Variants in PTPRN2 observed in about 807,000 individuals in gnomAD.
The protein encoded by PTPRN2 is receptor-type tyrosine-protein phosphatase N2.
In PTPRN2, 74 loss-of-function variants were observed where a neutral mutation model predicts 118.8. The observed-to-expected ratio is 0.62, with a 90% CI of 0.52 to 0.76. The LOEUF (loss-of-function observed/expected upper bound fraction) is 0.76. Ranked by LOEUF, PTPRN2 falls within the 30% of genes least tolerant of loss-of-function variation. The pLI is 0.00. For synonymous variants in PTPRN2, 641 were observed against 608.0 expected (o/e 1.05, Z -0.80); for missense variants, 1,481 against 1,394.4 (o/e 1.06, Z -0.99).
intron 1 of PTPRN2, among the ~76,000 whole-genome samples, chr7:158,497,709 G>A (rs543585393): frequency 3.3e-5 from 5 of 152,326 alleles, no homozygotes; most frequent in East Asian, 1.9e-4. Flanking sequence ...TCTCTGCGCC[G>A]CTGCACACTC....
At chr7:158,380,700 G>C (rs1810904682) in intron 2 of PTPRN2, among the ~76,000 whole-genome samples, 2 of 152,264 alleles carry the variant, frequency 1.3e-5, no homozygotes, top group Non-Finnish European at 2.9e-5. Context: ...CAGTGCCCCA[G>C]TAGGGACTCT....
chr7:157,556,391 C>G (rs1798883179), intron 21 of PTPRN2, among the ~76,000 whole-genome samples: 1 of 150,996 alleles, frequency 6.6e-6, no homozygotes, highest in Non-Finnish European at 1.5e-5. Context: ...CCACACAACA[C>G]TCACCCACAC....
At chr7:158,094,079 G>A (rs1814426142) in intron 10 of PTPRN2, among the ~76,000 whole-genome samples, 2 of 152,200 alleles carry the variant, frequency 1.3e-5, no homozygotes, top group African/African-American at 4.8e-5. Flanking sequence ...GTATTTGGAA[G>A]AAAACAGATT....
intron 12 of PTPRN2, among the ~76,000 whole-genome samples, chr7:157,738,416 G>A (rs1800428604): frequency 6.6e-6 from 1 of 152,178 alleles, no homozygotes; most frequent in Non-Finnish European, 1.5e-5. Flanking sequence ...AGGGACTCAT[G>A]GAAGCATTTG....
In PTPRN2 at chr7:158,574,630, T is replaced by C. The variant is rs1828224338; in HGVS notation, c.112+12928A>G. On this transcript the variant is annotated intron_variant, in intron 1 of 22. Coordinates refer to ENST00000389418, the MANE Select transcript of PTPRN2 (RefSeq NM_002847.5). The surrounding 1 kb of genome is among the most constrained non-coding windows in gnomAD (Gnocchi z 4.6). ...AAGAGTGATAGGATCAGATTTTCAG[T>C]TGTGGCAGTTACTCTAGCCAGAACT... Among the ~76,000 whole-genome samples the C allele has an allele frequency of 1.3e-5, 2 of 152,226 alleles. No individual in the cohort carries two copies. Among genetic ancestry groups the C allele is most frequent in the Non-Finnish European group, 2.9e-5 (2 of 68,038 alleles).
chr7:157,813,981 TCC>T lies in PTPRN2; in HGVS notation c.1788+84690_1788+84691del, dbSNP rs1806223953. Among the ~76,000 whole-genome samples, 1 of 152,204 alleles carries T rather than the reference TCC, an allele frequency of 6.6e-6. No homozygotes were observed. The highest frequency in any genetic ancestry group is 6.5e-5 in the Admixed American group (1 of 15,288). On this transcript the variant is annotated intron_variant, in intron 12 of 22. Transcript: ENST00000389418. The surrounding 1 kb of genome is among the most constrained non-coding windows in gnomAD (Gnocchi z 4.7). ...TTTGTGGTGCTTTGGAGGAGTTTGC[TCC>T]TTAGAGTGAGGGGGATTGTTCTGCC... is the stretch of plus-strand genomic sequence containing the variant.
At chr7:158,085,331 C>T (rs1260977510) in intron 10 of PTPRN2, among the ~76,000 whole-genome samples, 2 of 122,506 alleles carry the variant, frequency 1.6e-5, no homozygotes, top group African/African-American at 3.5e-5. Flanking sequence ...TTCACACATG[C>T]CCATCCACAC....
At chr7:158,557,314 C>G (rs886377669) in intron 1 of PTPRN2, among the ~76,000 whole-genome samples, 1 of 146,094 alleles carries the variant, frequency 6.8e-6, no homozygotes, top group Non-Finnish European at 1.5e-5. Context: ...GCAGGTCGCT[C>G]CCGCGCAGGG....
chr7:158,180,137 C>T (rs1039004204), intron 5 of PTPRN2, among the ~76,000 whole-genome samples: 2 of 152,240 alleles, frequency 1.3e-5, no homozygotes, highest in African/African-American at 4.8e-5. Context: ...GGCTAAGCCC[C>T]ACTTTGGGGC....
At chr7:158,421,153 G>A (rs766983582) in intron 2 of PTPRN2, among the ~76,000 whole-genome samples, 10 of 152,112 alleles carry the variant, frequency 6.6e-5, no homozygotes, top group South Asian at 2.1e-4. Context: ...AGGGCCAGCC[G>A]CACCCCTTGT....
chr7:157,653,455 T>C (rs1805813072), intron 14 of PTPRN2, among the ~76,000 whole-genome samples: 1 of 152,110 alleles, frequency 6.6e-6, no homozygotes, highest in Non-Finnish European at 1.5e-5. Context: ...CTCTGATGCG[T>C]TCCTGCGGCA....
chr7:157,651,169 T>C (rs1805631458), intron 14 of PTPRN2, among the ~76,000 whole-genome samples: 2 of 152,258 alleles, frequency 1.3e-5, no homozygotes, highest in Non-Finnish European at 2.9e-5. Flanking sequence ...GCAAAATTCA[T>C]GAACTTTCCT....
intron 2 of PTPRN2, among the ~76,000 whole-genome samples, chr7:158,488,694 C>T (rs1821207806): frequency 1.3e-5 from 2 of 152,250 alleles, no homozygotes; most frequent in Non-Finnish European, 2.9e-5. Context: ...CCGGCACCCA[C>T]GTCTGTGCAG....
chr7:158,368,385 T>G (rs1013502515), intron 2 of PTPRN2, among the ~76,000 whole-genome samples: 1 of 152,192 alleles, frequency 6.6e-6, no homozygotes, highest in African/African-American at 2.4e-5. Flanking sequence ...TTACAAACTT[T>G]CTTGAAAAAG....
At chr7:158,332,808 C>G (rs1804765653) in intron 2 of PTPRN2, among the ~76,000 whole-genome samples, 1 of 150,088 alleles carries the variant, frequency 6.7e-6, no homozygotes, top group Non-Finnish European at 1.5e-5. Context: ...GCAGACGTCA[C>G]TCACGTACAC....
chr7:158,281,183 G>A (rs1029034998), intron 3 of PTPRN2, among the ~76,000 whole-genome samples: 3 of 152,170 alleles, frequency 2.0e-5, no homozygotes, highest in Admixed American at 1.3e-4. Context: ...CAGCTGCTTG[G>A]GAGAGTGAGG....
intron 2 of PTPRN2, among the ~76,000 whole-genome samples, chr7:158,412,301 G>A (rs1332051318): frequency 1.8e-5 from 2 of 111,990 alleles, no homozygotes; most frequent in African/African-American, 7.6e-5. Flanking sequence ...TCAACACCAG[G>A]GCCCATCCAG....
chr7:157,719,385 G>A (rs1399122542), intron 12 of PTPRN2, among the ~76,000 whole-genome samples: 1 of 152,238 alleles, frequency 6.6e-6, no homozygotes, highest in East Asian at 1.9e-4. Flanking sequence ...TCCCCCATTG[G>A]GAGTGGAAGG....
chr7:157,682,502 G>C (rs996309213), intron 13 of PTPRN2, among the ~76,000 whole-genome samples: 2 of 152,094 alleles, frequency 1.3e-5, no homozygotes, highest in Non-Finnish European at 2.9e-5. Context: ...GAGTTAACAC[G>C]AGGCTATCCA....
Sources: gnomAD v4.1 joint callset for allele counts (sites outside exome capture counted in the v4.1 genomes callset) on GRCh38, gnomAD v4.1.1 for gene constraint, Gnocchi (gnomAD v3.1) non-coding constraint, MANE v1.5 for transcripts, NCBI Gene and HGNC (gene_info 2026-07-23, HGNC 2026-07-21) for gene names.